The following CBLN2 variants were observed in gnomAD, a reference collection of about 807,000 sequenced individuals.
The protein encoded by CBLN2 is cerebellin 2 precursor.
A neutral mutation model predicts 15.0 loss-of-function variants in CBLN2; 7 were observed. The observed-to-expected ratio is 0.47, with a 90% CI of 0.27 to 0.88. The LOEUF (loss-of-function observed/expected upper bound fraction) is 0.88, where lower values mean the gene tolerates loss of function less well. Ranked by LOEUF, CBLN2 falls within the 40% of genes least tolerant of loss-of-function variation. The pLI is 0.14. For missense variants in CBLN2, 242 were observed against 304.5 expected, an observed-to-expected ratio of 0.79 and a Z score of 1.53; for synonymous variants, 149 against 135.2, an observed-to-expected ratio of 1.10 and a Z score of -0.71.
At chr18:72,601,460 G>T (rs2069547601) in intron 1 of CBLN2, among the ~76,000 whole-genome samples, 1 of 152,150 alleles carries the variant, frequency 6.6e-6, no homozygotes, top group African/African-American at 2.4e-5. Flanking sequence ...GAAGGAAATA[G>T]ATTCCCCTTA....
At chr18:72,636,295 C>G (rs536255771) in intron 1 of CBLN2, among the ~76,000 whole-genome samples, 166 of 152,278 alleles carry the variant, frequency 1.1e-3, no homozygotes, top group Middle Eastern at 6.8e-3. Context: ...TTTCTTCACT[C>G]AGTACACCTT....
At chr18:72,613,170 T>C (rs933743089) in intron 1 of CBLN2, among the ~76,000 whole-genome samples, 4 of 152,204 alleles carry the variant, frequency 2.6e-5, no homozygotes, top group Non-Finnish European at 5.9e-5. Context: ...CCATCTTAAC[T>C]AATACATGTA....
chr18:72,544,448 G>A (rs113899346), upstream of CBLN2: 1 of 152,320 alleles, frequency 6.6e-6, no homozygotes, highest in East Asian at 1.9e-4. Flanking sequence ...CTGGAGCTCG[G>A]CTGAGGGCGC....
intron 1 of CBLN2, among the ~76,000 whole-genome samples, chr18:72,615,921 A>T (rs1568132849): frequency 6.6e-6 from 1 of 152,200 alleles, no homozygotes; most frequent in Non-Finnish European, 1.5e-5. Flanking sequence ...AATAAATCTC[A>T]TAAGGGTTTC....
At chr18:72,601,364 G>A (rs2144942714) in intron 1 of CBLN2, among the ~76,000 whole-genome samples, 1 of 152,282 alleles carries the variant, frequency 6.6e-6, no homozygotes, top group East Asian at 1.9e-4. Flanking sequence ...GTGTAAGAAT[G>A]TAGGATTCTC....
chr18:72,549,366 A>G (rs970762671), intron 1 of CBLN2, among the ~76,000 whole-genome samples: 9 of 152,254 alleles, frequency 5.9e-5, no homozygotes, highest in African/African-American at 1.9e-4. Context: ...TAGGCCACAC[A>G]TTGAGTAGCA....
At chr18:72,574,874 C>G (rs1284701413) in intron 1 of CBLN2, among the ~76,000 whole-genome samples, 1 of 152,168 alleles carries the variant, frequency 6.6e-6, no homozygotes, top group African/African-American at 2.4e-5. Flanking sequence ...AGGGCAAATT[C>G]AGTCATCATG....
chr18:72,589,138 G>A (rs966643550), intron 1 of CBLN2, among the ~76,000 whole-genome samples: 2 of 152,146 alleles, frequency 1.3e-5, no homozygotes, highest in Non-Finnish European at 2.9e-5. Flanking sequence ...GTCAATTGCG[G>A]CTGTTACTGA....
chr18:72,637,338 C>T lies in CBLN2; in HGVS notation c.15+987G>A, dbSNP rs527393212. Among the ~76,000 whole-genome samples the T allele has an allele frequency of 2.6e-5, 4 of 152,024 alleles. No homozygotes were observed. In the East Asian group the frequency reaches 5.8e-4, roughly 22 times the overall value. On this transcript the variant is annotated intron_variant, in intron 1 of 2. Transcript: ENST00000581073. ...CATGGTATGAACTGGTTACCAGCTA[C>T]CAGTCCCTGAAGAATGAATTGCAAA...
In CBLN2 at chr18:72,551,794, G is replaced by C. The variant is rs192973230; in HGVS notation, c.16-13022C>G. 2.0e-5 allele frequency among the ~76,000 whole-genome samples: 3 copies of C among 152,228 alleles called. No homozygotes were observed. The East Asian group carries it at 5.8e-4, about 29-fold the overall frequency. The stretch of plus-strand genomic sequence containing the variant: ...TTATCATTTAGGTTAATATTAATTA[G>C]CACGGCTTAATATTTCATTAAAGAA... On this transcript the variant is annotated intron_variant, in intron 1 of 2. Coordinates refer to the CBLN2 transcript ENST00000581073.
chr18:72,577,361 CAA>C (rs752412229), intron 1 of CBLN2, among the ~76,000 whole-genome samples: 16 of 152,020 alleles, frequency 1.1e-4, no homozygotes, highest in Non-Finnish European at 1.8e-4. Flanking sequence ...AACTTTCTCA[CAA>C]GTGTATCATT....
intron 1 of CBLN2, chr18:72,618,478 C>A: frequency 1.5e-6 from 1 of 667,470 alleles, no homozygotes; most frequent in South Asian, 1.4e-5. Context: ...GTGGATGCAG[C>A]CATGAATGCA....
intron 1 of CBLN2, among the ~76,000 whole-genome samples, chr18:72,568,128 A>C (rs1265238224): frequency 1.3e-5 from 2 of 152,120 alleles, no homozygotes; most frequent in Non-Finnish European, 2.9e-5. Flanking sequence ...TCATTCTGTA[A>C]GTTTGACCTG....
At chr18:72,593,241 G>T (rs2069491880) in intron 1 of CBLN2, among the ~76,000 whole-genome samples, 2 of 151,642 alleles carry the variant, frequency 1.3e-5, no homozygotes, top group South Asian at 4.2e-4. Flanking sequence ...ATTTTATTTT[G>T]TTTGTAGCTA....
intron 1 of CBLN2, among the ~76,000 whole-genome samples, chr18:72,581,713 G>C (rs2069406289): frequency 6.6e-6 from 1 of 152,172 alleles, no homozygotes; most frequent in African/African-American, 2.4e-5. Flanking sequence ...TTTACATTTA[G>C]AGATGTTACA....
intron 1 of CBLN2, among the ~76,000 whole-genome samples, chr18:72,604,044 G>A (rs796756618): frequency 6.6e-5 from 10 of 152,176 alleles, no homozygotes; most frequent in East Asian, 3.9e-4. Flanking sequence ...CGATTACATC[G>A]GCATCCCTGA....
Position 72,594,803 on chromosome 18 carries a change from A to G in CBLN2, c.15+43522T>C, listed in dbSNP as rs532754549. Among the ~76,000 whole-genome samples, 6 of 152,104 alleles carry G rather than the reference A, an allele frequency of 3.9e-5. No individual in the cohort carries two copies. The South Asian group carries it at 8.3e-4, about 21-fold the overall frequency. The stretch of plus-strand genomic sequence containing the variant: ...AATTTATCCACTTCTAGGTTTTCCA[A>G]TTCATTGGCATATATTTGCTCATAC... On this transcript the variant is annotated intron_variant, in intron 1 of 2. Transcript: ENST00000581073.
chr18:72,553,731 G>A (rs372211542), intron 1 of CBLN2, among the ~76,000 whole-genome samples: 1 of 152,188 alleles, frequency 6.6e-6, no homozygotes, highest in African/African-American at 2.4e-5. Context: ...CATAGAATGG[G>A]GGAAACCGTG....
At chr18:72,567,334 G>A (rs892486947) in intron 1 of CBLN2, among the ~76,000 whole-genome samples, 1 of 152,122 alleles carries the variant, frequency 6.6e-6, no homozygotes, top group Non-Finnish European at 1.5e-5. Flanking sequence ...AATCCATTAT[G>A]TATTCTATGA....
Sources: gnomAD v4.1 joint callset for allele counts (sites outside exome capture counted in the v4.1 genomes callset) on GRCh38, gnomAD v4.1.1 for gene constraint, MANE v1.5 for transcripts, NCBI Gene and HGNC (gene_info 2026-07-23, HGNC 2026-07-21) for gene names.